Variants in MCHR2 observed in about 807,000 individuals in gnomAD.
MCHR2 encodes melanin-concentrating hormone receptor 2.
In MCHR2, 15 loss-of-function variants were observed where a neutral mutation model predicts 24.8. The observed-to-expected ratio is 0.60, with a 90% CI of 0.40 to 0.93. MCHR2 has a LOEUF of 0.93. MCHR2 is among the 40% of genes least tolerant of loss of function. The pLI is 0.00. For missense variants in MCHR2, 386 were observed against 408.7 expected (o/e 0.94, Z 0.48); for synonymous variants, 151 against 147.6 (o/e 1.02, Z -0.17).
At chr6:99,927,639 T>A (rs924707306) in intron 5 of MCHR2, among the ~76,000 whole-genome samples, 5 of 152,128 alleles carry the variant, frequency 3.3e-5, no homozygotes, top group African/African-American at 9.6e-5. Context: ...TCTCTGTTTG[T>A]CTGTTATTGG....
intron 1 of MCHR2, among the ~76,000 whole-genome samples, chr6:99,964,920 A>G (rs1775265659): frequency 6.6e-6 from 1 of 152,152 alleles, no homozygotes. Flanking sequence ...TTTTTATAGA[A>G]TTAAAAAACA....
intron 2 of MCHR2, among the ~76,000 whole-genome samples, chr6:99,954,287 GC>G (rs1193576008): frequency 6.6e-6 from 1 of 152,040 alleles, no homozygotes; most frequent in Non-Finnish European, 1.5e-5. Flanking sequence ...GTACTGCTGT[GC>G]TTTTTAAGTG....
At chr6:99,960,949 G>T (rs1303229136) in intron 1 of MCHR2, among the ~76,000 whole-genome samples, 2 of 152,082 alleles carry the variant, frequency 1.3e-5, no homozygotes, top group African/African-American at 4.8e-5. Context: ...AATGCCAAAA[G>T]CAATGGCAAC....
intron 4 of MCHR2, among the ~76,000 whole-genome samples, chr6:99,941,987 T>A (rs1245476985): frequency 6.6e-6 from 1 of 152,180 alleles, no homozygotes; most frequent in Non-Finnish European, 1.5e-5. Context: ...TGACTTGAGA[T>A]AGCATATGTA....
At chr6:99,947,508 G>T (rs577519114) in intron 3 of MCHR2, among the ~76,000 whole-genome samples, 96 of 151,584 alleles carry the variant, frequency 6.3e-4, no homozygotes, top group Non-Finnish European at 1.2e-3. Flanking sequence ...TTTTTTTCTT[G>T]CACTGAATTG....
At chr6:99,966,853 C>T (rs1465085511) in intron 1 of MCHR2, among the ~76,000 whole-genome samples, 4 of 151,634 alleles carry the variant, frequency 2.6e-5, no homozygotes, top group Non-Finnish European at 5.9e-5. Flanking sequence ...TATCTAGGGG[C>T]CATTTTCATC....
At chr6:99,938,255 T>C (rs1363702178) in intron 4 of MCHR2, among the ~76,000 whole-genome samples, 1 of 151,982 alleles carries the variant, frequency 6.6e-6, no homozygotes, top group African/African-American at 2.4e-5. Flanking sequence ...GTTTGGTTTG[T>C]TGCCTTTCTA....
Position 99,943,064 on chromosome 6 carries a change from A to T in MCHR2, c.472T>A (p.Trp158Arg). The T allele has an allele frequency of 6.2e-7, 1 of 1,613,338 alleles. No individual in the cohort carries two copies. Among genetic ancestry groups the T allele is most frequent in the Non-Finnish European group, 8.5e-7 (1 of 1,179,454 alleles). The change falls in exon 4 of 6, where the codon TGG becomes AGG. Residue 158 changes from tryptophan to arginine, a missense_variant. Physicochemically the swap from Trp to Arg is moderately radical, Grantham distance 101. Coordinates refer to ENST00000281806, the MANE Select transcript of MCHR2 (RefSeq NM_001040179.2). ...AATGCCAGGATAAAGGAAGCTGCCC[A>T]AAGGCCCAAATTGATCCGGATGGTC... ...YKTIRINLGL[W>R]AASFILALPV...
chr6:99,989,886 C>T (rs1400187176), intron 1 of MCHR2, among the ~76,000 whole-genome samples: 1 of 151,760 alleles, frequency 6.6e-6, no homozygotes, highest in African/African-American at 2.4e-5. Context: ...ATATGTGCTC[C>T]GTGAAATAAT....
chr6:99,953,346 T>C (rs1775000391), intron 2 of MCHR2, among the ~76,000 whole-genome samples: 1 of 152,006 alleles, frequency 6.6e-6, no homozygotes, highest in South Asian at 2.1e-4. Flanking sequence ...GGCTTTTGAG[T>C]GTAGGACACA....
intron 5 of MCHR2, among the ~76,000 whole-genome samples, chr6:99,924,949 C>T (rs1774318961): frequency 6.6e-6 from 1 of 152,024 alleles, no homozygotes; most frequent in Non-Finnish European, 1.5e-5. Flanking sequence ...TCCAATGTTT[C>T]TTTGTCAATT....
chr6:99,941,649 A>G (rs1774774105), intron 4 of MCHR2, among the ~76,000 whole-genome samples: 1 of 152,184 alleles, frequency 6.6e-6, no homozygotes. Context: ...CTTTTGCCAC[A>G]TAAGGACAAA....
intron 4 of MCHR2, among the ~76,000 whole-genome samples, chr6:99,935,972 C>T (rs1774651569): frequency 6.6e-6 from 1 of 151,768 alleles, no homozygotes; most frequent in African/African-American, 2.4e-5. Context: ...TTTTTATGTA[C>T]CCATTGGCCA....
At chr6:99,947,227 A>G (rs1463913634) in intron 3 of MCHR2, among the ~76,000 whole-genome samples, 2 of 152,176 alleles carry the variant, frequency 1.3e-5, no homozygotes, top group African/African-American at 4.8e-5. Context: ...TCTCCCTGGC[A>G]CTGGGAAATT....
intron 1 of MCHR2, among the ~76,000 whole-genome samples, chr6:99,963,914 A>T (rs1043273431): frequency 7.2e-5 from 11 of 152,136 alleles, no homozygotes; most frequent in Non-Finnish European, 1.5e-4. Context: ...AAATATATAA[A>T]CTATCTATAC....
rs1302076049 is a variant in MCHR2 at position 99,919,706 on chromosome 6, G to A, written c.*1234C>T. Among the ~76,000 whole-genome samples, 8 of 147,514 alleles carry A rather than the reference G, an allele frequency of 5.4e-5. No individual in the cohort carries two copies. Among genetic ancestry groups the A allele is most frequent in the Non-Finnish European group, 1.2e-4 (8 of 66,818 alleles). On this transcript the variant is annotated 3_prime_UTR_variant, in exon 6 of 6. Coordinates refer to ENST00000281806, the MANE Select transcript of MCHR2 (RefSeq NM_001040179.2). ...ATGTATACTGTAACCAAAAGGGAATGTTTCTTGTTTTTTTTTTTGTTTGTT... is the reference window on the plus strand; with the variant it reads ...ATGTATACTGTAACCAAAAGGGAATATTTCTTGTTTTTTTTTTTGTTTGTT...
At chr6:99,929,486 G>T (rs1774456379) in intron 5 of MCHR2, among the ~76,000 whole-genome samples, 2 of 152,100 alleles carry the variant, frequency 1.3e-5, no homozygotes, top group South Asian at 2.1e-4. Flanking sequence ...TCTCTTTTTA[G>T]GTCACTCAGG....
chr6:99,984,036 CA>C (rs1228596064), intron 1 of MCHR2, among the ~76,000 whole-genome samples: 2 of 151,920 alleles, frequency 1.3e-5, no homozygotes, highest in Non-Finnish European at 2.9e-5. Flanking sequence ...TTGCTAGTTT[CA>C]AAAAACTCTA....
At chr6:99,928,740 T>C (rs1774431262) in intron 5 of MCHR2, among the ~76,000 whole-genome samples, 1 of 152,210 alleles carries the variant, frequency 6.6e-6, no homozygotes, top group African/African-American at 2.4e-5. Context: ...TCTTCTTTAT[T>C]AGTCTTGCTA....
Sources: allele counts gnomAD v4.1 joint callset (sites outside exome capture counted in the v4.1 genomes callset), GRCh38; gene constraint gnomAD v4.1.1; transcripts MANE v1.5; gene names NCBI Gene and HGNC (gene_info 2026-07-23, HGNC 2026-07-21).